FOXN3: variants seen among roughly 807,000 people sequenced by gnomAD.
FOXN3 encodes the protein forkhead box protein N3.
In FOXN3, 7 loss-of-function variants were observed where a neutral mutation model predicts 38.4. The ratio of observed to expected loss-of-function variants is 0.18; its 90% confidence interval spans 0.10 to 0.34. The LOEUF (loss-of-function observed/expected upper bound fraction) is 0.34. Among genes scored for constraint, FOXN3 ranks in the 10% least tolerant of loss-of-function variants. The pLI, the probability that FOXN3 is intolerant of heterozygous loss-of-function variation, is 1.00. For missense variants in FOXN3, 456 were observed against 613.4 expected, an observed-to-expected ratio of 0.74 and a Z score of 2.71; for synonymous variants, 230 against 242.2, an observed-to-expected ratio of 0.95 and a Z score of 0.47.
intron 2 of FOXN3, among the ~76,000 whole-genome samples, chr14:89,360,575 A>AGAGG (rs1889441266): frequency 7.0e-6 from 1 of 142,020 alleles, no homozygotes; most frequent in Admixed American, 7.0e-5. Context: ...AGAGAGAGAG[A>AGAGG]GAGAAGAAGA....
intron 1 of FOXN3, among the ~76,000 whole-genome samples, chr14:89,600,732 G>T (rs149864022): frequency 3.9e-4 from 59 of 152,224 alleles, no homozygotes; most frequent in African/African-American, 1.3e-3. Context: ...CAGCCTGCCA[G>T]TTCCTGGACC....
intron 3 of FOXN3, among the ~76,000 whole-genome samples, chr14:89,331,611 T>C (rs1888250574): frequency 1.3e-5 from 2 of 152,234 alleles, no homozygotes; most frequent in African/African-American, 4.8e-5. Context: ...ATGGGTCTCC[T>C]CTGTGTTTTC....
intron 1 of FOXN3, among the ~76,000 whole-genome samples, chr14:89,514,929 T>G (rs1894172166): frequency 6.6e-6 from 1 of 152,040 alleles, no homozygotes; most frequent in Non-Finnish European, 1.5e-5. Flanking sequence ...ATTTCCTTTT[T>G]TTTTTTTTCT....
At chr14:89,329,628 C>A (rs1288825739) in intron 3 of FOXN3, among the ~76,000 whole-genome samples, 1 of 151,974 alleles carries the variant, frequency 6.6e-6, no homozygotes, top group Non-Finnish European at 1.5e-5. Flanking sequence ...GAGGCCGAGG[C>A]GGGCGGATCA....
intron 1 of FOXN3, among the ~76,000 whole-genome samples, chr14:89,480,690 A>C (rs1032277345): frequency 5.9e-5 from 9 of 152,318 alleles, no homozygotes; most frequent in East Asian, 3.9e-4. Context: ...TCATTATTAG[A>C]ATGTTTTATC....
chr14:89,220,491 G>A (rs1005793026), intron 4 of FOXN3, among the ~76,000 whole-genome samples: 2 of 152,198 alleles, frequency 1.3e-5, no homozygotes, highest in South Asian at 4.1e-4. Context: ...AATGCAAGCT[G>A]TGTGCTGGTG....
intron 4 of FOXN3, among the ~76,000 whole-genome samples, chr14:89,231,359 G>A (rs372045895): frequency 6.6e-6 from 1 of 152,200 alleles, no homozygotes; most frequent in Non-Finnish European, 1.5e-5. Context: ...TTGGCCAAGA[G>A]AGACACTAGC....
intron 4 of FOXN3, among the ~76,000 whole-genome samples, chr14:89,238,945 T>C (rs1249760785): frequency 1.3e-5 from 2 of 152,148 alleles, no homozygotes; most frequent in Non-Finnish European, 1.5e-5. Flanking sequence ...GACAACATAA[T>C]TGCAGACTGC....
At position 89,167,619 on chromosome 14, in the gene FOXN3, G is replaced by A. The variant is rs117679854; in HGVS notation, c.852-4650C>T. On this transcript the variant is annotated intron_variant, in intron 5 of 5. Coordinates refer to ENST00000557258, the MANE Select transcript of FOXN3 (RefSeq NM_005197.4). ...CAAAGACTTCCACCTCCAGCCAAGT[G>A]GTAGAAAGACATTTGGAAGGTTCTC... Among the ~76,000 whole-genome samples, 1,163 of 152,242 alleles carry A rather than the reference G, an allele frequency of 7.6e-3. 9 individuals carry two copies. The highest frequency in any genetic ancestry group is 0.031 in the Middle Eastern group (9 of 294).
At chr14:89,330,792 C>T (rs1220065645) in intron 3 of FOXN3, among the ~76,000 whole-genome samples, 2 of 152,176 alleles carry the variant, frequency 1.3e-5, no homozygotes, top group African/African-American at 4.8e-5. Context: ...TGTGGAAATG[C>T]CAGCAGTCAT....
intron 4 of FOXN3, among the ~76,000 whole-genome samples, chr14:89,276,964 CA>C (rs2139911799): frequency 6.6e-6 from 1 of 152,206 alleles, no homozygotes; most frequent in African/African-American, 2.4e-5. Context: ...ATGAAACCAT[CA>C]GAGACCAGAT....
intron 2 of FOXN3, among the ~76,000 whole-genome samples, chr14:89,390,566 C>A: frequency 6.7e-6 from 1 of 149,662 alleles, no homozygotes; most frequent in Non-Finnish European, 1.5e-5. Context: ...CGAGCAGTAT[C>A]ATTTAGTAGT....
At chr14:89,289,334 C>T (rs569986136) in intron 3 of FOXN3, among the ~76,000 whole-genome samples, 2 of 152,120 alleles carry the variant, frequency 1.3e-5, no homozygotes, top group South Asian at 2.1e-4. Context: ...TTCATTTTTG[C>T]GACTGGTTAG....
chr14:89,522,856 A>G (rs1354328894), intron 1 of FOXN3, among the ~76,000 whole-genome samples: 1 of 152,074 alleles, frequency 6.6e-6, no homozygotes, highest in East Asian at 1.9e-4. Flanking sequence ...GTTTAAACCC[A>G]ATCAAATCAA....
At chr14:89,294,397 C>A (rs1343402712) in intron 3 of FOXN3, among the ~76,000 whole-genome samples, 1 of 152,152 alleles carries the variant, frequency 6.6e-6, no homozygotes, top group Non-Finnish European at 1.5e-5. Context: ...CACCGACTCT[C>A]CATGTGCGTC....
chr14:89,481,449 G>C (rs975864731), intron 1 of FOXN3, among the ~76,000 whole-genome samples: 8 of 152,044 alleles, frequency 5.3e-5, no homozygotes, highest in African/African-American at 1.9e-4. Flanking sequence ...TGGACTCCTG[G>C]CTCACGGCTG....
intron 1 of FOXN3, among the ~76,000 whole-genome samples, chr14:89,426,868 C>A (rs1892041651): frequency 6.6e-6 from 1 of 152,102 alleles, no homozygotes; most frequent in South Asian, 2.1e-4. Context: ...TCTTAGAGAA[C>A]CTCTCAGGGG....
chr14:89,585,757 GAA>G (rs34382325), intron 1 of FOXN3, among the ~76,000 whole-genome samples: 35,796 of 136,792 alleles, frequency 0.26, 4,045 homozygotes, highest in East Asian at 0.44. Context: ...CACTTGACTA[GAA>G]AAAAAAAAAA....
At chr14:89,324,411 T>C (rs978578981) in intron 3 of FOXN3, among the ~76,000 whole-genome samples, 2 of 151,400 alleles carry the variant, frequency 1.3e-5, no homozygotes, top group African/African-American at 2.4e-5. Context: ...AGCCTAAACA[T>C]ACTGATTTGG....
Sources: gnomAD v4.1 joint callset for allele counts (sites outside exome capture counted in the v4.1 genomes callset) on GRCh38, gnomAD v4.1.1 for gene constraint, MANE v1.5 for transcripts, NCBI Gene and HGNC (gene_info 2026-07-23, HGNC 2026-07-21) for gene names.